HAT1: variants seen among roughly 807,000 people sequenced by gnomAD.
HAT1 encodes the protein histone acetyltransferase type B catalytic subunit.
In HAT1, 20 loss-of-function variants were observed where a neutral mutation model predicts 56.6. That is an observed-to-expected ratio of 0.35 (90% CI 0.25 to 0.51). HAT1 has a LOEUF of 0.51. Ranked by LOEUF, HAT1 falls within the 20% of genes least tolerant of loss-of-function variation. HAT1 has a pLI of 0.95. For missense variants in HAT1, 408 were observed against 504.3 expected (o/e 0.81, Z 1.83); for synonymous variants, 146 against 165.5 (o/e 0.88, Z 0.91).
At chr2:171,931,558 C>T (rs1686747301) in intron 2 of HAT1, among the ~76,000 whole-genome samples, 1 of 151,300 alleles carries the variant, frequency 6.6e-6, no homozygotes, top group Non-Finnish European at 1.5e-5. Flanking sequence ...CCTGTAATCC[C>T]AGCTACTTGG....
At chr2:171,956,063 C>A (rs969813826) in intron 4 of HAT1, among the ~76,000 whole-genome samples, 1 of 150,048 alleles carries the variant, frequency 6.7e-6, no homozygotes, top group Admixed American at 6.7e-5. Flanking sequence ...AGTGCCTCTG[C>A]TACTGAGGAG....
At chr2:171,939,037 G>A (rs114972523) in intron 2 of HAT1, among the ~76,000 whole-genome samples, 3,363 of 152,184 alleles carry the variant, frequency 0.022, 56 homozygotes, top group Middle Eastern at 0.037. Flanking sequence ...CACCAGGCCC[G>A]GCTTCAAACA....
At chr2:171,930,916 T>C (rs1686729449) in intron 2 of HAT1, among the ~76,000 whole-genome samples, 1 of 151,928 alleles carries the variant, frequency 6.6e-6, no homozygotes, top group African/African-American at 2.4e-5. Context: ...CACCCAGCTA[T>C]AGGATTTTTT....
At chr2:171,952,171 A>G (rs562592636) in intron 3 of HAT1, among the ~76,000 whole-genome samples, 1 of 152,312 alleles carries the variant, frequency 6.6e-6, no homozygotes, top group African/African-American at 2.4e-5. Context: ...ACTTCCATCA[A>G]AAACCCTAAA....
chr2:171,970,869 A>G (rs981772154), intron 8 of HAT1, among the ~76,000 whole-genome samples: 3 of 151,332 alleles, frequency 2.0e-5, no homozygotes, highest in East Asian at 3.9e-4. Context: ...ACTTGGAAAA[A>G]CTGACATTGG....
chr2:171,948,222 A>C (rs1468005994), intron 3 of HAT1, among the ~76,000 whole-genome samples: 1 of 152,092 alleles, frequency 6.6e-6, no homozygotes, highest in Non-Finnish European at 1.5e-5. Flanking sequence ...AGAGTTGTAA[A>C]AATTCAGGAA....
At chr2:171,961,576 A>G (rs201475400) in intron 4 of HAT1, among the ~76,000 whole-genome samples, 5 of 151,990 alleles carry the variant, frequency 3.3e-5, no homozygotes, top group Admixed American at 2.6e-4. Context: ...AAAATCCTAC[A>G]TACTTCCAGA....
chr2:171,975,973 A>G (rs1687953140), intron 8 of HAT1, among the ~76,000 whole-genome samples, 184 bp from the exon 9 acceptor site: 1 of 12,984 alleles, frequency 7.7e-5, no homozygotes, highest in African/African-American at 2.3e-4. Context: ...TTCTTCTTTT[A>G]GACAGAGTCT....
At chr2:171,943,036 T>A (rs1029490485) in intron 2 of HAT1, among the ~76,000 whole-genome samples, 1 of 151,600 alleles carries the variant, frequency 6.6e-6, no homozygotes, top group Non-Finnish European at 1.5e-5. Context: ...ATGTAGTAGT[T>A]GTGAATTTTT....
At chr2:171,977,333 G>A (rs548296631) in intron 9 of HAT1, among the ~76,000 whole-genome samples, 4 of 147,692 alleles carry the variant, frequency 2.7e-5, no homozygotes, top group South Asian at 2.2e-4. Context: ...GTGGTGGCGC[G>A]TGCCTGTAAT....
intron 8 of HAT1, among the ~76,000 whole-genome samples, chr2:171,972,351 T>A (rs1687838572): frequency 6.6e-6 from 1 of 151,732 alleles, no homozygotes; most frequent in Admixed American, 6.6e-5. Context: ...CGCCTTGAAC[T>A]CCTGGGGTTA....
At position 171,925,584 on chromosome 2, in the gene HAT1, G is replaced by T; in HGVS notation, c.55G>T (p.Glu19Ter). The change falls in exon 2 of 11, where the codon GAG becomes TAG. Residue 19 changes from glutamate to a stop codon, truncating the protein, a stop_gained. Transcript: ENST00000264108. LOFTEE classifies it high-confidence loss of function. ...KFLVEYKSAVEKKLAEYKCNT... is the reference protein window; with the variant it reads ...KFLVEYKSAV The stretch of plus-strand genomic sequence containing the variant: ...TTTGGTAGAATATAAGAGTGCAGTG[G>T]AGAAGAAACTGGCAGAGTACAAATG... 2 of 1,585,530 alleles carry T rather than the reference G, an allele frequency of 1.3e-6. No homozygotes were observed. The highest frequency in any genetic ancestry group is 1.7e-6 in the Non-Finnish European group (2 of 1,154,040).
chr2:171,930,893 A>G (rs1558962135), intron 2 of HAT1, among the ~76,000 whole-genome samples: 2 of 151,894 alleles, frequency 1.3e-5, no homozygotes, highest in African/African-American at 4.8e-5. Flanking sequence ...AGGGTTGCAG[A>G]CATAAGCCAC....
chr2:171,975,312 C>G (rs575263844), intron 8 of HAT1, among the ~76,000 whole-genome samples: 1 of 152,034 alleles, frequency 6.6e-6, no homozygotes, highest in Non-Finnish European at 1.5e-5. Flanking sequence ...ACCATGTTGG[C>G]CAGGCTGGTC....
intron 2 of HAT1, among the ~76,000 whole-genome samples, chr2:171,926,451 G>A (rs544354268): frequency 9.9e-5 from 15 of 152,166 alleles, no homozygotes; most frequent in African/African-American, 3.1e-4. Context: ...GCGCCACCAC[G>A]CCCGGCTAAT....
intron 8 of HAT1, among the ~76,000 whole-genome samples, chr2:171,972,302 G>A (rs1687837639): frequency 6.9e-6 from 1 of 145,014 alleles, no homozygotes; most frequent in African/African-American, 2.6e-5. Context: ...GTGTTGCTCT[G>A]TCACCCAGGC....
intron 9 of HAT1, among the ~76,000 whole-genome samples, chr2:171,977,307 C>T (rs1200763471): frequency 1.3e-5 from 2 of 148,496 alleles, no homozygotes; most frequent in African/African-American, 2.5e-5. Context: ...ACTACAAATA[C>T]GAAAATTAGC....
intron 3 of HAT1, among the ~76,000 whole-genome samples, chr2:171,949,402 G>A (rs1687248794): frequency 6.6e-6 from 1 of 152,046 alleles, no homozygotes; most frequent in African/African-American, 2.4e-5. Flanking sequence ...TTTTGGCCGG[G>A]TGCAGTGGTT....
intron 2 of HAT1, among the ~76,000 whole-genome samples, chr2:171,928,262 G>A (rs189910740): frequency 1.3e-5 from 2 of 152,324 alleles, no homozygotes; most frequent in African/African-American, 2.4e-5. Flanking sequence ...ATTGCTGTTA[G>A]TATTGCTCTA....
Sources: gnomAD v4.1 joint callset for allele counts (sites outside exome capture counted in the v4.1 genomes callset) on GRCh38, gnomAD v4.1.1 for gene constraint, MANE v1.5 for transcripts, NCBI Gene and HGNC (gene_info 2026-07-23, HGNC 2026-07-21) for gene names.